GHR: variants seen among roughly 807,000 people sequenced by gnomAD.
GHR encodes GH receptor.
A neutral mutation model predicts 67.1 loss-of-function variants in GHR; 35 were observed. That is an observed-to-expected ratio of 0.52 (90% CI 0.40 to 0.69). GHR has a LOEUF of 0.69. GHR is among the 30% of genes least tolerant of loss of function. The probability of loss-of-function intolerance (pLI) is 0.00; values close to 1 mark genes in which losing one functional copy is unlikely to be tolerated. For synonymous variants in GHR, 272 were observed against 269.1 expected (o/e 1.01, Z -0.10); for missense variants, 792 against 764.6 (o/e 1.04, Z -0.42).
intron 1 of GHR, chr5:42,468,471 G>A (rs909326896): frequency 3.7e-6 from 3 of 819,030 alleles, no homozygotes; most frequent in East Asian, 2.5e-5. Flanking sequence ...TGAGAGGCCC[G>A]ACCAGAGTTC....
chr5:42,590,521 C>T (rs1313486904), intron 2 of GHR, among the ~76,000 whole-genome samples: 1 of 152,096 alleles, frequency 6.6e-6, no homozygotes, highest in East Asian at 1.9e-4. Context: ...ATGGAAACAC[C>T]ATTCAATATT....
chr5:42,713,274 A>C (rs1384864973), intron 7 of GHR, among the ~76,000 whole-genome samples, 155 bp from the exon 8 acceptor site: 1 of 152,170 alleles, frequency 6.6e-6, no homozygotes, highest in Non-Finnish European at 1.5e-5. Flanking sequence ...AAAAAAACTA[A>C]GTCGTTGCAT....
chr5:42,434,064 CT>C (rs1743217563), intron 1 of GHR, among the ~76,000 whole-genome samples: 1 of 152,092 alleles, frequency 6.6e-6, no homozygotes, highest in African/African-American at 2.4e-5. Flanking sequence ...CTGAAAACTT[CT>C]TTCTTAAACA....
intron 1 of GHR, among the ~76,000 whole-genome samples, chr5:42,491,187 G>A (rs766947904): frequency 3.2e-4 from 49 of 152,330 alleles, no homozygotes; most frequent in Non-Finnish European, 6.3e-4. Flanking sequence ...GTGTATATCT[G>A]CAGAAAATTG....
chr5:42,502,103 G>A (rs1389151787), intron 1 of GHR, among the ~76,000 whole-genome samples: 5 of 152,152 alleles, frequency 3.3e-5, no homozygotes, highest in African/African-American at 1.2e-4. Context: ...GATTCATAGA[G>A]CAGAGAGGGA....
chr5:42,641,445 C>T (rs183131979), intron 3 of GHR, among the ~76,000 whole-genome samples: 125 of 152,110 alleles, frequency 8.2e-4, no homozygotes, highest in African/African-American at 2.9e-3. Context: ...TTTTAACAAC[C>T]GCAATATATA....
rs574010841 is a variant in GHR at position 42,445,277 on chromosome 5, AG to A, written c.-12+21323del. 1.5e-4 allele frequency among the ~76,000 whole-genome samples: 23 copies of A among 152,336 alleles called. 1 individual carries two copies. In the South Asian group the frequency reaches 4.8e-3, roughly 32 times the overall value. ...TGAAGGAGATTGGTTTGATGACACA[AG>A]TTTCAAAAGACAATGTTATTGCTAA... On this transcript the variant is annotated intron_variant, in intron 1 of 9. Coordinates refer to ENST00000230882, the MANE Select transcript of GHR (RefSeq NM_000163.5).
chr5:42,622,070 G>A (rs1010673864), intron 2 of GHR, among the ~76,000 whole-genome samples: 2 of 152,174 alleles, frequency 1.3e-5, no homozygotes, highest in African/African-American at 4.8e-5. Context: ...GGTGGACTCA[G>A]TATGCCAAGG....
At chr5:42,467,848 A>T in intron 1 of GHR, 3 of 996,130 alleles carry the variant, frequency 3.0e-6, no homozygotes, top group Non-Finnish European at 3.1e-6. Context: ...TAACAGTGTC[A>T]GAATTAAGGC....
Position 42,471,485 on chromosome 5 carries a change from A to T in GHR, c.-12+47530A>T, listed in dbSNP as rs146252506. 4.7e-4 allele frequency among the ~76,000 whole-genome samples: 72 copies of T among 152,330 alleles called. No individual in the cohort carries two copies. The East Asian group carries it at 6.6e-3, about 14-fold the overall frequency. On this transcript the variant is annotated intron_variant, in intron 1 of 9. Coordinates refer to ENST00000230882, the MANE Select transcript of GHR (RefSeq NM_000163.5). The stretch of plus-strand genomic sequence containing the variant: ...AGTGTGATCGTTGACCTTCCTACTT[A>T]TCTAAACATTATGCTCTCAGAGCAT...
chr5:42,590,945 T>C (rs1316598883), intron 2 of GHR, among the ~76,000 whole-genome samples: 1 of 152,320 alleles, frequency 6.6e-6, no homozygotes, highest in East Asian at 1.9e-4. Flanking sequence ...TGTTTTTCAG[T>C]TCAGCACAGT....
intron 1 of GHR, among the ~76,000 whole-genome samples, chr5:42,492,312 GAGAT>G: frequency 6.6e-6 from 1 of 152,308 alleles, no homozygotes; most frequent in South Asian, 2.1e-4. Flanking sequence ...GATTAGGAAA[GAGAT>G]AAATAAAATA....
chr5:42,601,316 C>G (rs1266008457), intron 2 of GHR, among the ~76,000 whole-genome samples: 1 of 152,124 alleles, frequency 6.6e-6, no homozygotes, highest in Non-Finnish European at 1.5e-5. Context: ...ACCTATAACT[C>G]TATTTTGCTT....
intron 1 of GHR, among the ~76,000 whole-genome samples, chr5:42,531,267 C>CAA (rs66526387): frequency 0.029 from 4,312 of 147,630 alleles, 223 homozygotes; most frequent in African/African-American, 0.099. Flanking sequence ...AGTCCATCTC[C>CAA]AAAAAAAAAA....
At chr5:42,647,816 A>G (rs754131378) in intron 3 of GHR, 6 of 319,624 alleles carry the variant, frequency 1.9e-5, no homozygotes, top group Non-Finnish European at 3.7e-5. Context: ...CCAAATGTCT[A>G]TTTGAAAATT....
chr5:42,514,765 C>A (rs1358423092), intron 1 of GHR: 1 of 152,180 alleles, frequency 6.6e-6, no homozygotes. Context: ...GAAGGTCCCC[C>A]ATTTCATTGC....
chr5:42,664,624 C>G (rs559151979), intron 3 of GHR, among the ~76,000 whole-genome samples: 2 of 152,230 alleles, frequency 1.3e-5, no homozygotes, highest in East Asian at 3.9e-4. Context: ...AATGTTAGAC[C>G]TAAAACCATA....
chr5:42,705,023 C>T (rs1365015375), intron 6 of GHR, among the ~76,000 whole-genome samples: 1 of 152,066 alleles, frequency 6.6e-6, no homozygotes, highest in Non-Finnish European at 1.5e-5. Context: ...TTAAAAGGAT[C>T]ATTCTCCATG....
At chr5:42,514,300 T>C (rs1747147636) in intron 1 of GHR, 7 of 983,412 alleles carry the variant, frequency 7.1e-6, no homozygotes, top group Non-Finnish European at 8.4e-6. Context: ...GGAGTCCATA[T>C]TGGGAAGATA....
Sources: gnomAD v4.1 joint callset for allele counts (sites outside exome capture counted in the v4.1 genomes callset) on GRCh38, gnomAD v4.1.1 for gene constraint, MANE v1.5 for transcripts, NCBI Gene and HGNC (gene_info 2026-07-23, HGNC 2026-07-21) for gene names.